Variants in SORBS2 observed in about 807,000 individuals in gnomAD.
SORBS2 encodes the protein sorbin and SH3 domain-containing protein 2.
In SORBS2, 46 loss-of-function variants were observed where a neutral mutation model predicts 97.7. That is an observed-to-expected ratio of 0.47 (90% CI 0.37 to 0.60). SORBS2 has a LOEUF of 0.60. SORBS2 is among the 20% of genes least tolerant of loss of function. The probability of loss-of-function intolerance (pLI) is 0.00; values close to 1 mark genes in which losing one functional copy is unlikely to be tolerated. For missense variants in SORBS2, 1,316 were observed against 1,282.3 expected (o/e 1.03, Z -0.40); for synonymous variants, 476 against 473.4 (o/e 1.01, Z -0.07).
intron 2 of SORBS2, among the ~76,000 whole-genome samples, chr4:185,734,496 C>A (rs2098669154): frequency 6.6e-6 from 1 of 152,106 alleles, no homozygotes; most frequent in Admixed American, 6.5e-5. Context: ...TGATTCAGTT[C>A]CTCTTTCCTT....
chr4:185,700,492 G>C (rs1406146665), intron 2 of SORBS2, among the ~76,000 whole-genome samples: 1 of 152,124 alleles, frequency 6.6e-6, no homozygotes, highest in African/African-American at 2.4e-5. Flanking sequence ...ACTCATCCCA[G>C]TGGCCCTTAG....
At chr4:185,860,923 A>G (rs2099223359) in intron 1 of SORBS2, among the ~76,000 whole-genome samples, 1 of 152,202 alleles carries the variant, frequency 6.6e-6, no homozygotes, top group Non-Finnish European at 1.5e-5. Context: ...TCCTTATCAG[A>G]CTTAAAAAGA....
rs73028056 is a variant in SORBS2 at position 185,614,680 on chromosome 4, G to T, written c.2595+151C>A. The stretch of plus-strand genomic sequence containing the variant: ...CAGCAGGGAACCGTGACTCTGGGCT[G>T]CCTTAAAGAGTCCTTTGTAGAAAAT... On this transcript the variant is annotated intron_variant, in intron 11 of 14. Transcript: ENST00000418609. The T allele has an allele frequency of 3.1e-3, 2,838 of 924,828 alleles. 52 individuals are homozygous for T. In the African/African-American group the frequency reaches 0.043, roughly 14 times the overall value. 57.3% of individuals were successfully genotyped at this position (924,828 alleles called of 1,614,324 possible).
intron 2 of SORBS2, among the ~76,000 whole-genome samples, chr4:185,715,404 A>G (rs185503148): frequency 2.0e-5 from 3 of 152,304 alleles, no homozygotes; most frequent in African/African-American, 7.2e-5. Context: ...AAGCCCTATG[A>G]AAAGGCCAAA....
intron 12 of SORBS2, among the ~76,000 whole-genome samples, chr4:185,603,350 C>T (rs1361542313): frequency 6.6e-6 from 1 of 152,044 alleles, no homozygotes; most frequent in African/African-American, 2.4e-5. Context: ...TATAAAGTGG[C>T]ATTATTTAAA....
chr4:185,698,447 C>T lies in SORBS2; in HGVS notation c.-197-19625G>A, dbSNP rs140230102. ...GTCGAAGGTTGCAGTGAGCCGAGAT[C>T]GCACCATTGCACTCCAGCCTGGGTG... On this transcript the variant is annotated intron_variant, in intron 2 of 20. Transcript: ENST00000284776. 1.6e-3 allele frequency among the ~76,000 whole-genome samples: 249 copies of T among 152,132 alleles called. 4 individuals are homozygous for T. The East Asian group carries it at 0.033, about 20-fold the overall frequency.
intron 1 of SORBS2, among the ~76,000 whole-genome samples, chr4:185,784,793 C>T (rs55800712): frequency 0.4 from 60,284 of 152,006 alleles, 12,662 homozygotes; most frequent in Middle Eastern, 0.48. Context: ...GCATCAACAA[C>T]GAATGCTTAC....
upstream of SORBS2, among the ~76,000 whole-genome samples, chr4:185,661,662 G>T (rs1003246992): frequency 6.6e-6 from 1 of 152,090 alleles, no homozygotes; most frequent in Non-Finnish European, 1.5e-5. Flanking sequence ...AGATGACTGC[G>T]TCCCTGCTAT....
chr4:185,682,175 A>G (rs1426767365), intron 2 of SORBS2, among the ~76,000 whole-genome samples: 1 of 152,166 alleles, frequency 6.6e-6, no homozygotes, highest in African/African-American at 2.4e-5. Flanking sequence ...AATGACAAAC[A>G]ATTTTTCATT....
Position 185,828,791 on chromosome 4 carries a change from G to C in SORBS2, c.-337-53425C>G, listed in dbSNP as rs144919417. Among the ~76,000 whole-genome samples, 538 of 152,234 alleles carry C rather than the reference G, an allele frequency of 3.5e-3. 4 individuals are homozygous for C. Among genetic ancestry groups the C allele is most frequent in the Non-Finnish European group, 5.5e-3 (373 of 68,012 alleles). ...AATGATAGATTCCCAGGGTGGAAAA[G>C]GGCTTTGCAGGTCAGGCGATTCAAG... On this transcript the variant is annotated intron_variant, in intron 1 of 20. Transcript: ENST00000284776.
chr4:185,740,823 CA>C (rs1169453300), intron 2 of SORBS2, among the ~76,000 whole-genome samples: 1 of 152,020 alleles, frequency 6.6e-6, no homozygotes, highest in African/African-American at 2.4e-5. Flanking sequence ...TAACTCAACC[CA>C]GCACTAACTC....
intron 7 of SORBS2, 39 bp downstream of exon 19, chr4:185,622,875 C>T (rs760039261): frequency 6.5e-6 from 10 of 1,541,918 alleles, no homozygotes; most frequent in Admixed American, 2.0e-5. Context: ...GAGGGTGGGT[C>T]TCTGAACCAC....
intron 1 of SORBS2, among the ~76,000 whole-genome samples, chr4:185,790,486 A>G (rs945384721): frequency 2.6e-5 from 4 of 152,132 alleles, no homozygotes; most frequent in Admixed American, 6.5e-5. Flanking sequence ...GCTTCCTCCA[A>G]TGAATAAGGA....
chr4:185,790,370 TA>T (rs1009840988), intron 1 of SORBS2, among the ~76,000 whole-genome samples: 5 of 152,190 alleles, frequency 3.3e-5, no homozygotes, highest in African/African-American at 1.2e-4. Flanking sequence ...CAAAAAGACA[TA>T]TTGTAGCGAA....
rs111254316 is a variant in SORBS2, at chr4:185,948,889, T to G, written c.-338+7307A>C. Among the ~76,000 whole-genome samples, 1,363 of 152,226 alleles carry G rather than the reference T, an allele frequency of 9.0e-3. 17 individuals carry two copies. Among genetic ancestry groups the G allele is most frequent in the African/African-American group, 0.03 (1,251 of 41,530 alleles). On this transcript the variant is annotated intron_variant, in intron 1 of 20. Transcript: ENST00000284776. ...TTTTAATTAAAAACATTACATTTCT[T>G]TTTCTCGTAAGGTGAAAGGTGATCA...
intron 1 of SORBS2, among the ~76,000 whole-genome samples, chr4:185,897,235 C>A (rs927745142): frequency 6.6e-6 from 1 of 152,130 alleles, no homozygotes; most frequent in Non-Finnish European, 1.5e-5. Context: ...TAAGAACTGG[C>A]GATAAAGACA....
chr4:185,815,110 C>T (rs535732493), intron 1 of SORBS2, among the ~76,000 whole-genome samples: 1 of 152,360 alleles, frequency 6.6e-6, no homozygotes, highest in East Asian at 1.9e-4. Context: ...GACAAGGACA[C>T]TTGGCATTAT....
At position 185,619,697 on chromosome 4, in the gene SORBS2, C is replaced by T. The variant is rs533326184; in HGVS notation, c.2304+366G>A. Among the ~76,000 whole-genome samples the T allele has an allele frequency of 3.3e-5, 5 of 152,336 alleles. No homozygotes were observed. The South Asian group carries it at 1.0e-3, about 32-fold the overall frequency. ...TATTGATTTACAACACAGTTGACAT[C>T]AGGCTTTCTCCTGGACCAGCGGGCC... On this transcript the variant is annotated intron_variant, in intron 8 of 14. Transcript: ENST00000418609.
At chr4:185,774,445 C>T (rs977520346) in intron 2 of SORBS2, 14 of 152,148 alleles carry the variant, frequency 9.2e-5, no homozygotes, top group African/African-American at 3.4e-4. Flanking sequence ...TTTTACTGAG[C>T]ATAGTAAATA....
Sources: gnomAD v4.1 joint callset for allele counts (sites outside exome capture counted in the v4.1 genomes callset) on GRCh38, gnomAD v4.1.1 for gene constraint, MANE v1.5 for transcripts, NCBI Gene and HGNC (gene_info 2026-07-23, HGNC 2026-07-21) for gene names.